The following KIAA1549 variants were observed in gnomAD, a reference collection of about 807,000 sequenced individuals.
KIAA1549 encodes UPF0606 protein KIAA1549.
KIAA1549 carries 70 observed loss-of-function variants against 156.4 expected under a neutral mutation model. The observed-to-expected ratio is 0.45, with a 90% CI of 0.37 to 0.55. The LOEUF (loss-of-function observed/expected upper bound fraction) is 0.55. Among genes scored for constraint, KIAA1549 ranks in the 20% least tolerant of loss-of-function variants. The pLI, the probability that KIAA1549 is intolerant of heterozygous loss-of-function variation, is 0.00. For missense variants in KIAA1549, 2,428 were observed against 2,540.9 expected, an observed-to-expected ratio of 0.96 and a Z score of 0.96; for synonymous variants, 1,103 against 1,066.4, an observed-to-expected ratio of 1.03 and a Z score of -0.67.
At chr7:138,852,158 T>G in intron 17 of KIAA1549, 65 bp downstream of exon 17, 1 of 1,125,178 alleles carries the variant, frequency 8.9e-7, no homozygotes, top group Non-Finnish European at 1.3e-6. Flanking sequence ...ATTAGTGAGT[T>G]TATAAAGTTT....
intron 12 of KIAA1549, among the ~76,000 whole-genome samples, chr7:138,875,609 C>G (rs1811062454): frequency 6.6e-6 from 1 of 152,096 alleles, no homozygotes; most frequent in South Asian, 2.1e-4. Context: ...TGTGCCACTG[C>G]ACTCGAGACT....
chr7:138,894,681 G>A (rs1050112768), intron 9 of KIAA1549, among the ~76,000 whole-genome samples, 155 bp from the exon 10 acceptor site: 1 of 152,216 alleles, frequency 6.6e-6, no homozygotes, highest in Non-Finnish European at 1.5e-5. Flanking sequence ...AATGTGACCA[G>A]CAGAGAAACA....
Position 138,861,404 on chromosome 7 carries a change from C to A in KIAA1549, c.4982G>T (p.Gly1661Val). Residue 1661 changes from glycine (G) to valine (V), a missense_variant, in exon 16 of 20, where the codon GGG becomes GTG. Around this residue, in one of 5 missense-constraint regions of KIAA1549, gnomAD observed 404 missense variants for 417.0 expected, o/e 0.97. Transcript: ENST00000422774. ...CGGGAAGGGAAGGGCTGGATACCTC[C>A]CCAGTTCCACCGAGGATGGTGTCTG... ...DVQTPSSVEL[G>V]RYPALPFPAS... The A allele has an allele frequency of 6.2e-7, 1 of 1,612,296 alleles. No homozygotes were observed.
chr7:138,859,648 C>T (rs1810497111), intron 16 of KIAA1549, among the ~76,000 whole-genome samples: 2 of 152,288 alleles, frequency 1.3e-5, no homozygotes, highest in South Asian at 4.1e-4. Context: ...GGGGTCCCAC[C>T]TGCTGCACCA....
At chr7:138,839,080 G>A (rs1243071466) in intron 19 of KIAA1549, among the ~76,000 whole-genome samples, 3 of 152,114 alleles carry the variant, frequency 2.0e-5, no homozygotes, top group Non-Finnish European at 2.9e-5. Context: ...GGCAAAAAAA[G>A]AGAAATGGCA....
chr7:138,963,631 C>T (rs1180592189), intron 1 of KIAA1549, among the ~76,000 whole-genome samples: 1 of 152,108 alleles, frequency 6.6e-6, no homozygotes, highest in Non-Finnish European at 1.5e-5. Context: ...CAAAAAGGCT[C>T]AAGGGGCATA....
chr7:138,906,763 C>T lies in KIAA1549; in HGVS notation c.3460+156G>A, dbSNP rs78093405. On this transcript the variant is annotated intron_variant, in intron 6 of 19. Coordinates refer to ENST00000422774, the MANE Select transcript of KIAA1549 (RefSeq NM_001164665.2). ...AAAAATCACCACTAAATAACTTACT[C>T]GTGCAACCAAATACCACCTGTACCC... Among the ~76,000 whole-genome samples the T allele has an allele frequency of 6.0e-3, 916 of 152,128 alleles. 10 individuals carry two copies. Among genetic ancestry groups the T allele is most frequent in the African/African-American group, 0.021 (890 of 41,474 alleles).
In KIAA1549 at chr7:138,908,962, T is replaced by C. The variant is rs766073599; in HGVS notation, c.3276+29A>G. 11 of 1,613,098 alleles carry C rather than the reference T, an allele frequency of 6.8e-6. No homozygotes were observed. In the African/African-American group the frequency reaches 1.5e-4, roughly 22 times the overall value. On this transcript the variant is annotated intron_variant, in intron 5 of 19. Coordinates refer to ENST00000422774, the MANE Select transcript of KIAA1549 (RefSeq NM_001164665.2). ...AATTTCCCCTTCAAGGGCTAAAGCC[T>C]TCTGCTCTGCATTCAGTGATATTCT...
At chr7:138,923,845 AAAT>A (rs1812634580) in intron 1 of KIAA1549, among the ~76,000 whole-genome samples, 1 of 152,230 alleles carries the variant, frequency 6.6e-6, no homozygotes, top group South Asian at 2.1e-4. Flanking sequence ...CAAAATTTGT[AAAT>A]AATATTTAGT....
At chr7:138,968,194 G>A (rs1433799153) in intron 1 of KIAA1549, among the ~76,000 whole-genome samples, 3 of 152,172 alleles carry the variant, frequency 2.0e-5, no homozygotes, top group Admixed American at 6.5e-5. Flanking sequence ...CTCGGTAGGT[G>A]GGGTGGGAGG....
intron 10 of KIAA1549, among the ~76,000 whole-genome samples, chr7:138,893,203 G>T (rs1002937025): frequency 6.6e-6 from 1 of 152,202 alleles, no homozygotes; most frequent in Non-Finnish European, 1.5e-5. Flanking sequence ...CACTTAAGTT[G>T]AATGCTTTGG....
chr7:138,875,173 C>T lies in KIAA1549; in HGVS notation c.4346-3811G>A, dbSNP rs184886977. 4.6e-5 allele frequency among the ~76,000 whole-genome samples: 7 copies of T among 152,200 alleles called. No homozygotes were observed. In the East Asian group the frequency reaches 1.2e-3, roughly 25 times the overall value. ...TCTGTGGTGACAGATATGCTAATTACCCTGATTTGATCATCACACAGTATA... is the reference window on the plus strand; with the variant it reads ...TCTGTGGTGACAGATATGCTAATTATCCTGATTTGATCATCACACAGTATA... On this transcript the variant is annotated intron_variant, in intron 12 of 19. Coordinates refer to ENST00000422774, the MANE Select transcript of KIAA1549 (RefSeq NM_001164665.2).
intron 1 of KIAA1549, among the ~76,000 whole-genome samples, chr7:138,946,787 T>C (rs1813350043): frequency 6.6e-6 from 1 of 152,098 alleles, no homozygotes; most frequent in South Asian, 2.1e-4. Flanking sequence ...CCCCAGTTTT[T>C]TGGAATCCCT....
chr7:138,885,969 G>GA (rs2130418352), intron 10 of KIAA1549, among the ~76,000 whole-genome samples: 1 of 152,218 alleles, frequency 6.6e-6, no homozygotes, highest in African/African-American at 2.4e-5. Context: ...TGTCGGAACT[G>GA]AATTCAAGGA....
intron 1 of KIAA1549, among the ~76,000 whole-genome samples, chr7:138,943,126 G>A (rs1194237109): frequency 2.0e-5 from 3 of 152,178 alleles, no homozygotes; most frequent in African/African-American, 4.8e-5. Context: ...GAGAGAAGGA[G>A]GGAAATAATC....
At chr7:138,877,084 C>T (rs1811106642) in intron 12 of KIAA1549, among the ~76,000 whole-genome samples, 1 of 152,188 alleles carries the variant, frequency 6.6e-6, no homozygotes. Context: ...ACGCTGGTCC[C>T]ATGGCAACAT....
chr7:138,965,388 G>A (rs1813989626), intron 1 of KIAA1549, among the ~76,000 whole-genome samples: 1 of 152,054 alleles, frequency 6.6e-6, no homozygotes, highest in Non-Finnish European at 1.5e-5. Context: ...ATGGGGTTTT[G>A]CCATGTTGCC....
Position 138,837,797 on chromosome 7 carries a change from G to A in KIAA1549, c.*109C>T. 1 of 1,310,134 alleles carries A rather than the reference G, an allele frequency of 7.6e-7. No homozygotes were observed. The highest frequency in any genetic ancestry group is 1.0e-6 in the Non-Finnish European group (1 of 962,838). 81.2% of individuals were successfully genotyped at this position (1,310,134 alleles called of 1,614,324 possible). ...GCAACTTGCTCCCTCCCTTGGGCAG[G>A]CTGCCCGAGAGTTGCTCCTTCCTCT... On this transcript the variant is annotated 3_prime_UTR_variant, in exon 20 of 20. Transcript: ENST00000422774.
intron 6 of KIAA1549, among the ~76,000 whole-genome samples, chr7:138,905,740 C>T (rs750164416): frequency 6.6e-6 from 1 of 152,008 alleles, no homozygotes; most frequent in South Asian, 2.1e-4. Context: ...CTCCCCTTTC[C>T]CCCACTGCCT....
Sources: gnomAD v4.1 joint callset for allele counts (sites outside exome capture counted in the v4.1 genomes callset) on GRCh38, gnomAD v4.1.1 for gene constraint, gnomAD v4.1.1 regional missense constraint, MANE v1.5 for transcripts, NCBI Gene and HGNC (gene_info 2026-07-23, HGNC 2026-07-21) for gene names.